Variants in MMP14 observed in about 807,000 individuals in gnomAD.
MMP14 encodes the protein matrix metallopeptidase 14.
MMP14 carries 13 observed loss-of-function variants against 64.8 expected under a neutral mutation model. That is an observed-to-expected ratio of 0.20 (90% CI 0.13 to 0.32). The LOEUF (loss-of-function observed/expected upper bound fraction) is 0.32, where lower values mean the gene tolerates loss of function less well. Ranked by LOEUF, MMP14 falls within the 10% of genes least tolerant of loss-of-function variation. The pLI, the probability that MMP14 is intolerant of heterozygous loss-of-function variation, is 1.00. For synonymous variants in MMP14, 322 were observed against 315.9 expected, an observed-to-expected ratio of 1.02 and a Z score of -0.20; for missense variants, 594 against 783.8, an observed-to-expected ratio of 0.76 and a Z score of 2.89.
chr14:22,846,606 T>C lies in MMP14; in HGVS notation c.*567T>C, dbSNP rs879628107. The C allele has an allele frequency of 6.5e-6, 1 of 152,796 alleles. No homozygotes were observed. The highest frequency in any genetic ancestry group is 1.5e-5 in the Non-Finnish European group (1 of 68,242). 9.5% of individuals were successfully genotyped at this position (152,796 alleles called of 1,614,324 possible). ...GGGACTGCCAAGCCACCCTAAGACC[T>C]TGGGAGGAAAACTCAGAGAGGGTCT... On this transcript the variant is annotated 3_prime_UTR_variant, in exon 10 of 10. Coordinates refer to ENST00000311852, the MANE Select transcript of MMP14 (RefSeq NM_004995.4).
chr14:22,841,354 C>A lies in MMP14; in HGVS notation c.109-137C>A, dbSNP rs2039771273. The A allele has an allele frequency of 3.6e-6, 4 of 1,125,402 alleles. No homozygotes were observed. In the East Asian group the frequency reaches 7.4e-5, roughly 21 times the overall value. The allele number at this position is 1,125,402 out of a possible 1,614,324, so 69.7% of individuals were successfully genotyped here. On this transcript the variant is annotated intron_variant, in intron 1 of 9. Coordinates refer to ENST00000311852, the MANE Select transcript of MMP14 (RefSeq NM_004995.4). ...GGTCTAGCCTGGGAGTTCCTCCAGA[C>A]CTGCTGCCGGAGCCAAGCTGGGAAC...
rs2039736075 is a variant in MMP14, at chr14:22,836,893, G to A, written c.76G>A (p.Gly26Ser). The A allele has an allele frequency of 6.2e-7, 1 of 1,613,636 alleles. No individual in the cohort carries two copies. The highest frequency in any genetic ancestry group is 2.2e-5 in the East Asian group (1 of 44,846). Reference protein sequence around the residue: ...LTLGTALASLGSAQSSSFSPE... With the variant: ...LTLGTALASLSSAQSSSFSPE... ...GCTCGGCACCGCGCTCGCCTCCCTCGGCTCGGCCCAAAGCAGCAGCTTCAG... is the reference window on the plus strand; with the variant it reads ...GCTCGGCACCGCGCTCGCCTCCCTCAGCTCGGCCCAAAGCAGCAGCTTCAG... Residue 26 changes from glycine (G) to serine (S), a missense_variant, in exon 1 of 10, where the codon GGC becomes AGC. Physicochemically the swap from Gly to Ser is moderately conservative, Grantham distance 56 (BLOSUM62 0). Around this residue, in one of 4 missense-constraint regions of MMP14, gnomAD observed 45 missense variants for 48.8 expected, o/e 0.92. Coordinates refer to ENST00000311852, the MANE Select transcript of MMP14 (RefSeq NM_004995.4).
intron 2 of MMP14, 83 bp from the exon 3 acceptor site, chr14:22,841,830 A>T (rs1468636364): frequency 1.9e-5 from 28 of 1,485,236 alleles, no homozygotes. Context: ...ACACACAGCA[A>T]GTCTTACCCA....
In MMP14 at chr14:22,844,523, C is replaced by G. The variant is rs2039797953; in HGVS notation, c.1150+14C>G. ...TCTTCTTCAAAGGTAACCAGGCACTCCACTTTAGTCTTTGGGAGTGAGGCG... is the reference window on the plus strand; with the variant it reads ...TCTTCTTCAAAGGTAACCAGGCACTGCACTTTAGTCTTTGGGAGTGAGGCG... On this transcript the variant is annotated intron_variant, in intron 7 of 9. Coordinates refer to ENST00000311852, the MANE Select transcript of MMP14 (RefSeq NM_004995.4). 1.2e-6 allele frequency: 2 copies of G among 1,613,958 alleles called. No homozygotes were observed. Among genetic ancestry groups the G allele is most frequent in the South Asian group, 2.2e-5 (2 of 91,078 alleles).
At chr14:22,838,742 A>C (rs916659515) in intron 1 of MMP14, among the ~76,000 whole-genome samples, 11 of 152,012 alleles carry the variant, frequency 7.2e-5, no homozygotes, top group African/African-American at 2.7e-4. Flanking sequence ...TCTCCTCCCC[A>C]TGGCCTGTCT....
intron 2 of MMP14, 125 bp downstream of exon 2, chr14:22,841,764 A>T: frequency 6.5e-7 from 1 of 1,546,690 alleles, no homozygotes; most frequent in Non-Finnish European, 8.8e-7. Context: ...CCACGTGCTG[A>T]TCCTGACCCT....
chr14:22,843,831 C>T lies in MMP14; in HGVS notation c.972C>T (p.Asp324=), dbSNP rs1424403827. 11 of 1,612,964 alleles carry T rather than the reference C, an allele frequency of 6.8e-6. No homozygotes were observed. The East Asian group carries it at 2.5e-4, about 36-fold the overall frequency. The change falls in exon 6 of 10, where the codon GAC becomes GAT. Residue 324 remains aspartate (D), a synonymous_variant. Coordinates refer to ENST00000311852, the MANE Select transcript of MMP14 (RefSeq NM_004995.4). The surrounding 1 kb of genome is among the most constrained non-coding windows in gnomAD (Gnocchi z 4.8). ...YGPNICDGNF[D]TVAMLRGEMF... ...CCAACATCTGTGACGGGAACTTTGA[C>T]ACCGTGGCCATGCTCCGAGGGGAGA...
chr14:22,842,197 A>G lies in MMP14; in HGVS notation c.380+162A>G, dbSNP rs1275049609. 9.0e-7 allele frequency: 1 copy of G among 1,108,402 alleles called. No individual in the cohort carries two copies. Among genetic ancestry groups the G allele is most frequent in the African/African-American group, 1.6e-5 (1 of 63,936 alleles). The allele number at this position is 1,108,402 out of a possible 1,614,324, so 68.7% of individuals were successfully genotyped here. A position where few individuals can be genotyped will look rare whatever the true frequency, so the allele number is the denominator to read the frequency against. On this transcript the variant is annotated intron_variant, in intron 3 of 9. Transcript: ENST00000311852. This position sits in a 1 kb window ranked among gnomAD's most constrained non-coding sequence, Gnocchi z 5.3. Reference sequence around the variant, plus strand: ...TGGCTCTCATCCTTGAGAGAGGTGTAGCCATCAAGGGTGCACCCCAGTGCC... The same window carrying G: ...TGGCTCTCATCCTTGAGAGAGGTGTGGCCATCAAGGGTGCACCCCAGTGCC...
chr14:22,846,768 G>T lies in MMP14; in HGVS notation c.*729G>T, dbSNP rs1371904555. On this transcript the variant is annotated 3_prime_UTR_variant, in exon 10 of 10. Coordinates refer to ENST00000311852, the MANE Select transcript of MMP14 (RefSeq NM_004995.4). ...CTTGGCAGCCCTGTGCCTCTCGAAT[G>T]TTAGCCTTGGATGGGGCTTTCACAG... 6.5e-6 allele frequency: 1 copy of T among 152,780 alleles called. No individual in the cohort carries two copies. The highest frequency in any genetic ancestry group is 2.4e-5 in the African/African-American group (1 of 41,468). The allele number at this position is 152,780 out of a possible 1,614,324, so 9.5% of individuals were successfully genotyped here.
chr14:22,843,924 G>T lies in MMP14; in HGVS notation c.1011+54G>T, dbSNP rs17878814. The T allele has an allele frequency of 1.5e-3, 2,328 of 1,587,714 alleles. 3 individuals are homozygous for T. Among genetic ancestry groups the T allele is most frequent in the Admixed American group, 2.3e-3 (116 of 50,774 alleles). ...CAAAAGGGCCCTATGGGCTGGGCAT[G>T]GTGGCTCATGCCTGTAATCCTAGCA... is the stretch of plus-strand genomic sequence containing the variant. On this transcript the variant is annotated intron_variant, in intron 6 of 9. Transcript: ENST00000311852. The surrounding 1 kb of genome is among the most constrained non-coding windows in gnomAD (Gnocchi z 4.8).
Position 22,847,094 on chromosome 14 carries a change from T to C in MMP14, c.*1055T>C, listed in dbSNP as rs1383052731. Reference sequence around the variant, plus strand: ...GGAAGGGCCCTGAGGAAGGCACACTTGCTCCTGTTGGTCCCTGTCCTTGCT... The same window carrying C: ...GGAAGGGCCCTGAGGAAGGCACACTCGCTCCTGTTGGTCCCTGTCCTTGCT... On this transcript the variant is annotated 3_prime_UTR_variant, in exon 10 of 10. Transcript: ENST00000311852. 3 of 152,556 alleles carry C rather than the reference T, an allele frequency of 2.0e-5. No homozygotes were observed. Among genetic ancestry groups the C allele is most frequent in the Non-Finnish European group, 4.4e-5 (3 of 68,242 alleles). 9.5% of individuals were successfully genotyped at this position (152,556 alleles called of 1,614,324 possible).
chr14:22,836,588 C>T lies in MMP14; in HGVS notation c.-230C>T, dbSNP rs2039731529. ...GGAGAGAGCGAGAGAGGGAACCAGA[C>T]CCCAGTTCGCCGACTAAGCAGAAGA... On this transcript the variant is annotated 5_prime_UTR_variant, in exon 1 of 10. Transcript: ENST00000311852. 4.4e-6 allele frequency: 2 copies of T among 457,922 alleles called. No individual in the cohort carries two copies. The highest frequency in any genetic ancestry group is 4.3e-5 in the South Asian group (1 of 23,364). 28.4% of individuals were successfully genotyped at this position (457,922 alleles called of 1,614,324 possible).
In MMP14 at chr14:22,839,962, C is replaced by CTTTTTTTTTT. The variant is rs577502772; in HGVS notation, c.109-1514_109-1505dup. On this transcript the variant is annotated intron_variant, in intron 1 of 9. Coordinates refer to ENST00000311852, the MANE Select transcript of MMP14 (RefSeq NM_004995.4). ...TTCATATATAACTTGGCTTGTTTTA[C>CTTTTTTTTTT]TTTTTTTTTTTTTTTTTTTTTTTTG... Among the ~76,000 whole-genome samples, 40 of 90,802 alleles carry CTTTTTTTTTT rather than the reference C, an allele frequency of 4.4e-4. 1 individual carries two copies. The highest frequency in any genetic ancestry group is 1.6e-3 in the African/African-American group (32 of 19,520). 59.6% of individuals were successfully genotyped at this position (90,802 alleles called of 152,430 possible).
intron 2 of MMP14, 105 bp downstream of exon 2, chr14:22,841,744 T>G: frequency 1.9e-6 from 3 of 1,554,352 alleles, no homozygotes; most frequent in Non-Finnish European, 1.8e-6. Context: ...CACTCCCCCA[T>G]ATCTCATCCC....
chr14:22,844,211 C>T (rs968520332), intron 6 of MMP14, among the ~76,000 whole-genome samples, 160 bp from the exon 7 acceptor site: 147 of 149,280 alleles, frequency 9.8e-4, no homozygotes, highest in African/African-American at 3.5e-3. Flanking sequence ...AAAAAAAAGG[C>T]GGGGGGGTAC....
In MMP14 at chr14:22,842,888, C is replaced by G. The variant is rs1362205660; in HGVS notation, c.688+171C>G. Among the ~76,000 whole-genome samples, 1 of 152,106 alleles carries G rather than the reference C, an allele frequency of 6.6e-6. No individual in the cohort carries two copies. Among genetic ancestry groups the G allele is most frequent in the Non-Finnish European group, 1.5e-5 (1 of 68,014 alleles). On this transcript the variant is annotated intron_variant, in intron 4 of 9. Transcript: ENST00000311852. This position sits in a 1 kb window ranked among gnomAD's most constrained non-coding sequence, Gnocchi z 5.3. The stretch of plus-strand genomic sequence containing the variant: ...TTTGAGCTATTTACATCTGGTCCCC[C>G]CTCTCACCCACTGACTGGCTTTCCA...
chr14:22,841,348 T>C, intron 1 of MMP14, 143 bp from the exon 2 acceptor site: 1 of 1,079,182 alleles, frequency 9.3e-7, no homozygotes, highest in Non-Finnish European at 1.3e-6. Flanking sequence ...TGGGAGTTCC[T>C]CCAGACCTGC....
chr14:22,838,048 C>T (rs760852752), intron 1 of MMP14, among the ~76,000 whole-genome samples: 5 of 152,230 alleles, frequency 3.3e-5, no homozygotes, highest in Admixed American at 3.3e-4. Context: ...GGAAAGAATA[C>T]TGTCTTCTCT....
At chr14:22,837,250 C>G in intron 1 of MMP14, 1 of 537,352 alleles carries the variant, frequency 1.9e-6, no homozygotes, top group Non-Finnish European at 3.6e-6. Context: ...GCTCTCAGCT[C>G]TGGAACCGCC....
Sources: allele counts gnomAD v4.1 joint callset (sites outside exome capture counted in the v4.1 genomes callset), GRCh38; gene constraint gnomAD v4.1.1; regional missense constraint gnomAD v4.1.1; non-coding constraint Gnocchi (gnomAD v3.1); transcripts MANE v1.5; gene names NCBI Gene and HGNC (gene_info 2026-07-23, HGNC 2026-07-21).